Variants in ZFYVE9 observed in about 807,000 individuals in gnomAD.
ZFYVE9 encodes the protein zinc finger FYVE domain-containing protein 9.
A neutral mutation model predicts 126.7 loss-of-function variants in ZFYVE9; 43 were observed. That is an observed-to-expected ratio of 0.34 (90% confidence interval 0.27 to 0.44). The LOEUF (loss-of-function observed/expected upper bound fraction) is 0.44. Ranked by LOEUF, ZFYVE9 falls within the 20% of genes least tolerant of loss-of-function variation. The pLI is 1.00. For synonymous variants in ZFYVE9, 521 were observed against 597.4 expected, an observed-to-expected ratio of 0.87 and a Z score of 1.87; for missense variants, 1,476 against 1,697.0, an observed-to-expected ratio of 0.87 and a Z score of 2.29.
At chr1:52,310,000 C>T (rs1161773137) in intron 13 of ZFYVE9, among the ~76,000 whole-genome samples, 1 of 152,110 alleles carries the variant, frequency 6.6e-6, no homozygotes, top group Non-Finnish European at 1.5e-5. Context: ...GTCTTGCTCT[C>T]GCTCTGTTGC....
intron 8 of ZFYVE9, among the ~76,000 whole-genome samples, chr1:52,277,282 T>A (rs1461119795): frequency 2.0e-5 from 3 of 152,208 alleles, no homozygotes; most frequent in Admixed American, 6.5e-5. Context: ...TTCAGATTTT[T>A]ATTTTAATAA....
At chr1:52,251,849 CTGATT>C (rs1645450539) in intron 4 of ZFYVE9, among the ~76,000 whole-genome samples, 1 of 152,142 alleles carries the variant, frequency 6.6e-6, no homozygotes, top group Non-Finnish European at 1.5e-5. Context: ...TTTTTGATTA[CTGATT>C]CAGTCTCCCC....
At chr1:52,262,339 T>G (rs946009996) in intron 4 of ZFYVE9, among the ~76,000 whole-genome samples, 2 of 152,228 alleles carry the variant, frequency 1.3e-5, no homozygotes, top group Admixed American at 6.5e-5. Context: ...TAATTGTAAA[T>G]GAGTGTCTTC....
In ZFYVE9 at chr1:52,331,537, GGTCA is replaced by G. The variant is rs745942129; in HGVS notation, c.3439-1229_3439-1226del. On this transcript the variant is annotated intron_variant, in intron 13 of 18. Coordinates refer to ENST00000287727, the MANE Select transcript of ZFYVE9 (RefSeq NM_004799.4). ...GGAGGCTGAGGTGGGCGGATCACGA[GGTCA>G]GGAGATCGAGACCATCCTGGCTAAC... is the stretch of plus-strand genomic sequence containing the variant. 2.0e-5 allele frequency among the ~76,000 whole-genome samples: 3 copies of G among 151,424 alleles called. No homozygotes were observed. The East Asian group carries it at 6.0e-4, about 30-fold the overall frequency.
At chr1:52,316,961 A>G (rs1646191591) in intron 13 of ZFYVE9, among the ~76,000 whole-genome samples, 1 of 152,202 alleles carries the variant, frequency 6.6e-6, no homozygotes, top group African/African-American at 2.4e-5. Flanking sequence ...GTCTCAATAA[A>G]TGTAAGATGA....
chr1:52,248,472 T>C (rs1572133659), intron 4 of ZFYVE9, among the ~76,000 whole-genome samples: 2 of 152,308 alleles, frequency 1.3e-5, no homozygotes, highest in South Asian at 4.2e-4. Context: ...GTCCACTGAC[T>C]CAAATGTCAG....
chr1:52,256,960 T>C (rs1645526599), intron 4 of ZFYVE9, among the ~76,000 whole-genome samples: 1 of 152,224 alleles, frequency 6.6e-6, no homozygotes, highest in South Asian at 2.1e-4. Context: ...ATTATAGGGC[T>C]TTTTGAAGAC....
At chr1:52,231,221 A>G (rs532457166) in intron 2 of ZFYVE9, among the ~76,000 whole-genome samples, 1 of 152,312 alleles carries the variant, frequency 6.6e-6, no homozygotes, top group East Asian at 1.9e-4. Context: ...TATTTAAAAA[A>G]ATTCATAGAT....
At chr1:52,239,746 A>T (rs910467035) in intron 4 of ZFYVE9, 151 bp downstream of exon 4, 2 of 901,502 alleles carry the variant, frequency 2.2e-6, no homozygotes, top group African/African-American at 3.4e-5. Context: ...ATTTCTATAT[A>T]AAAAATGATG....
chr1:52,236,125 G>A (rs769623131), intron 3 of ZFYVE9, among the ~76,000 whole-genome samples: 9 of 152,066 alleles, frequency 5.9e-5, no homozygotes, highest in African/African-American at 9.7e-5. Flanking sequence ...ATGTTTGTAC[G>A]TGTCTCTTAT....
rs1021555957 is a variant in ZFYVE9 at position 52,346,436 on chromosome 1, G to A, written c.*215G>A. ...AAGTCTTCTATGCATTGTCCACCAA[G>A]AAGATCTGGGCAGCTTCTGTTCCTG... On this transcript the variant is annotated 3_prime_UTR_variant, in exon 19 of 19. Coordinates refer to ENST00000287727, the MANE Select transcript of ZFYVE9 (RefSeq NM_004799.4). The A allele has an allele frequency of 1.2e-5, 6 of 486,638 alleles. No individual in the cohort carries two copies. Among genetic ancestry groups the A allele is most frequent in the African/African-American group, 1.2e-4 (6 of 51,718 alleles). 30.1% of individuals were successfully genotyped at this position (486,638 alleles called of 1,614,324 possible).
At chr1:52,194,341 G>C (rs575276917) in intron 1 of ZFYVE9, among the ~76,000 whole-genome samples, 1 of 152,030 alleles carries the variant, frequency 6.6e-6, no homozygotes, top group African/African-American at 2.4e-5. Flanking sequence ...AATGAAGATT[G>C]GTGAATTTGA....
At chr1:52,253,060 A>G (rs1216843788) in intron 4 of ZFYVE9, among the ~76,000 whole-genome samples, 1 of 152,188 alleles carries the variant, frequency 6.6e-6, no homozygotes, top group Non-Finnish European at 1.5e-5. Context: ...CAGCTACTCA[A>G]GAGGATCACC....
rs666662 is a variant in ZFYVE9, at chr1:52,184,222, G to T, written c.-142-32147G>T. Among the ~76,000 whole-genome samples, 964 of 139,234 alleles carry T rather than the reference G, an allele frequency of 6.9e-3. 8 individuals are homozygous for T. Among genetic ancestry groups the T allele is most frequent in the African/African-American group, 0.021 (813 of 37,894 alleles). The allele number at this position is 139,234 out of a possible 152,430, so 91.3% of individuals were successfully genotyped here. On this transcript the variant is annotated intron_variant, in intron 1 of 18. Coordinates refer to ENST00000287727, the MANE Select transcript of ZFYVE9 (RefSeq NM_004799.4). ...TTATATATATATATTTATATATATA[G>T]ATATATATATATATATTTTGAGATG...
intron 1 of ZFYVE9, among the ~76,000 whole-genome samples, chr1:52,214,616 A>G (rs1645055658): frequency 6.6e-6 from 1 of 152,102 alleles, no homozygotes; most frequent in African/African-American, 2.4e-5. Context: ...AAAACCTGTA[A>G]TATTATTTGT....
chr1:52,170,139 T>G (rs1010729478), intron 1 of ZFYVE9, among the ~76,000 whole-genome samples: 3 of 152,218 alleles, frequency 2.0e-5, no homozygotes, highest in African/African-American at 7.2e-5. Context: ...GCTGTAATAA[T>G]TGTTTCCTCT....
chr1:52,290,922 A>G (rs1645913180), intron 10 of ZFYVE9, among the ~76,000 whole-genome samples: 1 of 152,146 alleles, frequency 6.6e-6, no homozygotes, highest in African/African-American at 2.4e-5. Context: ...CCCATTTTAC[A>G]TGGACATTGA....
intron 2 of ZFYVE9, among the ~76,000 whole-genome samples, chr1:52,230,542 G>A (rs965015165): frequency 6.7e-6 from 1 of 148,340 alleles, no homozygotes; most frequent in Non-Finnish European, 1.5e-5. Context: ...AAAAAAAAAA[G>A]AATCAGTTGG....
chr1:52,338,198 A>G (rs1013021431), intron 16 of ZFYVE9, among the ~76,000 whole-genome samples: 11 of 152,244 alleles, frequency 7.2e-5, no homozygotes, highest in Admixed American at 6.5e-5. Context: ...AGATAACAGT[A>G]ATACCTGAGC....
Sources: gnomAD v4.1 joint callset for allele counts (sites outside exome capture counted in the v4.1 genomes callset) on GRCh38, gnomAD v4.1.1 for gene constraint, MANE v1.5 for transcripts, NCBI Gene and HGNC (gene_info 2026-07-23, HGNC 2026-07-21) for gene names.